The following PSME4 variants were observed in gnomAD, a reference collection of about 807,000 sequenced individuals.
PSME4 encodes proteasome activator subunit 4.
Under a neutral mutation model 253.9 loss-of-function variants are expected in PSME4, and 89 were observed. That is an observed-to-expected ratio of 0.35 (90% CI 0.30 to 0.42). The LOEUF (loss-of-function observed/expected upper bound fraction) is 0.42, where lower values mean the gene tolerates loss of function less well. Ranked by LOEUF, PSME4 falls within the 10% of genes least tolerant of loss-of-function variation. The pLI, the probability that PSME4 is intolerant of heterozygous loss-of-function variation, is 1.00. For synonymous variants in PSME4, 851 were observed against 759.2 expected, an observed-to-expected ratio of 1.12 and a Z score of -1.99; for missense variants, 2,014 against 2,195.2, an observed-to-expected ratio of 0.92 and a Z score of 1.65.
intron 42 of PSME4, 115 bp from the exon 43 acceptor site, chr2:53,874,609 G>A: frequency 9.6e-7 from 1 of 1,042,152 alleles, no homozygotes; most frequent in East Asian, 2.6e-5. Context: ...TATTTACACA[G>A]GTATAGTTAG....
At chr2:53,911,551 A>G (rs1254757625) in intron 20 of PSME4, among the ~76,000 whole-genome samples, 2 of 152,176 alleles carry the variant, frequency 1.3e-5, no homozygotes, top group African/African-American at 4.8e-5. Flanking sequence ...GCCTGTACTC[A>G]AGAGTAACAA....
intron 1 of PSME4, among the ~76,000 whole-genome samples, chr2:53,955,450 A>G (rs781143349): frequency 3.9e-5 from 6 of 152,198 alleles, no homozygotes; most frequent in African/African-American, 1.4e-4. Context: ...AATTCTTCCA[A>G]TGTGGGCCAG....
chr2:53,950,843 A>AT, intron 1 of PSME4, among the ~76,000 whole-genome samples: 1 of 148,072 alleles, frequency 6.8e-6, no homozygotes, highest in African/African-American at 2.5e-5. Flanking sequence ...CTCCGTCTCA[A>AT]AAAAAAAAAA....
intron 1 of PSME4, among the ~76,000 whole-genome samples, chr2:53,951,772 T>C (rs805450): frequency 0.55 from 82,977 of 152,012 alleles, 23,070 homozygotes; most frequent in East Asian, 0.72. Context: ...GCAGATATTA[T>C]AAAACCTCAA....
chr2:53,870,009 G>A (rs1019188462), intron 43 of PSME4: 1 of 152,328 alleles, frequency 6.6e-6, no homozygotes, highest in Non-Finnish European at 1.5e-5. Context: ...AATTTCACAG[G>A]CTGCTGTCAG....
Position 53,866,908 on chromosome 2 carries a change from A to C in PSME4, c.5264-28T>G, listed in dbSNP as rs116144495. The C allele has an allele frequency of 9.4e-4, 1,506 of 1,606,652 alleles. 4 individuals are homozygous for C. The highest frequency in any genetic ancestry group is 5.2e-3 in the African/African-American group (386 of 74,690). On this transcript the variant is annotated intron_variant, in intron 44 of 46. Transcript: ENST00000404125. ...GCAAAGAGAATAGCAACATTTGTGC[A>C]AATATATATATGTCTCTAATGCACT... is the stretch of plus-strand genomic sequence containing the variant.
chr2:53,927,675 A>G, intron 11 of PSME4, among the ~76,000 whole-genome samples, 192 bp from the exon 12 acceptor site: 1 of 152,172 alleles, frequency 6.6e-6, no homozygotes, highest in Admixed American at 6.5e-5. Context: ...GGCCGAGCGC[A>G]GTGGCTCACA....
chr2:53,901,266 T>C (rs1680386129), intron 28 of PSME4, 84 bp downstream of exon 28: 1 of 1,259,930 alleles, frequency 7.9e-7, no homozygotes, highest in Non-Finnish European at 1.1e-6. Context: ...ATATTATTAC[T>C]GGAAAAAGGG....
intron 1 of PSME4, among the ~76,000 whole-genome samples, chr2:53,963,241 G>A (rs934228722): frequency 1.3e-4 from 19 of 151,874 alleles, no homozygotes; most frequent in African/African-American, 2.9e-4. Flanking sequence ...TGGGAGGATC[G>A]CTCGAGGCCA....
chr2:53,897,269 A>C (rs1680186959), intron 31 of PSME4, among the ~76,000 whole-genome samples: 1 of 149,842 alleles, frequency 6.7e-6, no homozygotes, highest in Admixed American at 6.8e-5. Flanking sequence ...TCCCGGGTTC[A>C]AGCGATTCTA....
chr2:53,916,948 T>C (rs1169401328), intron 20 of PSME4, among the ~76,000 whole-genome samples: 1 of 151,964 alleles, frequency 6.6e-6, no homozygotes, highest in African/African-American at 2.4e-5. Flanking sequence ...TTTTACTTTA[T>C]ACAATCATTA....
At chr2:53,932,483 A>G (rs1019081807) in intron 9 of PSME4, among the ~76,000 whole-genome samples, 185 bp downstream of exon 9, 3 of 152,286 alleles carry the variant, frequency 2.0e-5, no homozygotes, top group Non-Finnish European at 4.4e-5. Flanking sequence ...CAGTTACCAC[A>G]TCAATATTAT....
intron 3 of PSME4, among the ~76,000 whole-genome samples, chr2:53,940,983 A>T (rs60034609): frequency 0.12 from 9,137 of 79,416 alleles, 1,454 homozygotes; most frequent in East Asian, 0.38. Flanking sequence ...ATATATATAT[A>T]TATATATATA....
At chr2:53,894,454 T>C (rs1163720342) in intron 34 of PSME4, among the ~76,000 whole-genome samples, 1 of 150,166 alleles carries the variant, frequency 6.7e-6, no homozygotes, top group African/African-American at 2.5e-5. Flanking sequence ...GTATTTTTTG[T>C]AGAGACAAGG....
intron 26 of PSME4, among the ~76,000 whole-genome samples, chr2:53,905,022 T>C (rs1306311257): frequency 6.7e-6 from 1 of 149,080 alleles, no homozygotes; most frequent in Non-Finnish European, 1.5e-5. Context: ...ATATGTACAA[T>C]GTGTTGCTTT....
At chr2:53,956,347 G>A (rs1293830322) in intron 1 of PSME4, among the ~76,000 whole-genome samples, 2 of 151,652 alleles carry the variant, frequency 1.3e-5, no homozygotes, top group Admixed American at 6.6e-5. Flanking sequence ...TCGTCAACAC[G>A]GTGAAACCCC....
intron 3 of PSME4, among the ~76,000 whole-genome samples, chr2:53,947,224 G>A (rs1471067347): frequency 6.6e-6 from 1 of 152,044 alleles, no homozygotes; most frequent in Non-Finnish European, 1.5e-5. Context: ...CTATGGTAAG[G>A]GACAAAGACT....
intron 20 of PSME4, 65 bp from the exon 21 acceptor site, chr2:53,910,195 T>A: frequency 7.4e-7 from 1 of 1,347,626 alleles, no homozygotes; most frequent in Non-Finnish European, 1.1e-6. Flanking sequence ...AAGGGAAAAG[T>A]TTCATTGCTG....
intron 27 of PSME4, among the ~76,000 whole-genome samples, chr2:53,902,704 C>A (rs944755487): frequency 3.3e-5 from 5 of 152,180 alleles, no homozygotes; most frequent in Non-Finnish European, 1.5e-5. Flanking sequence ...CCATAAACGG[C>A]CAGAAAGCAA....
Sources: gnomAD v4.1 joint callset for allele counts (sites outside exome capture counted in the v4.1 genomes callset) on GRCh38, gnomAD v4.1.1 for gene constraint, MANE v1.5 for transcripts, NCBI Gene and HGNC (gene_info 2026-07-23, HGNC 2026-07-21) for gene names.